Variants in MPPED2 observed in about 807,000 individuals in gnomAD.
MPPED2 encodes the protein metallophosphoesterase domain containing 2, also known as metallophosphoesterase MPPED2.
MPPED2 carries 5 observed loss-of-function variants against 33.0 expected under a neutral mutation model. The observed-to-expected ratio is 0.15, with a 90% confidence interval of 0.08 to 0.32. The LOEUF (loss-of-function observed/expected upper bound fraction) is 0.32, where lower values mean the gene tolerates loss of function less well. MPPED2 is among the 10% of genes least tolerant of loss of function. The pLI is 1.00. For missense variants in MPPED2, 275 were observed against 372.1 expected (o/e 0.74, Z 2.15); for synonymous variants, 136 against 141.9 (o/e 0.96, Z 0.29).
At chr11:30,565,045 C>A (rs1300162158) in intron 2 of MPPED2, among the ~76,000 whole-genome samples, 1 of 152,136 alleles carries the variant, frequency 6.6e-6, no homozygotes, top group Non-Finnish European at 1.5e-5. Context: ...AAATGTAGGA[C>A]TCAGCACCAA....
At chr11:30,560,908 A>G (rs1956213059) in intron 2 of MPPED2, among the ~76,000 whole-genome samples, 1 of 152,324 alleles carries the variant, frequency 6.6e-6, no homozygotes, top group Non-Finnish European at 1.5e-5. Flanking sequence ...ATCTCCACAG[A>G]AAGAAAAATG....
chr11:30,442,593 G>A (rs1385681294), intron 4 of MPPED2, among the ~76,000 whole-genome samples: 4 of 152,130 alleles, frequency 2.6e-5, no homozygotes, highest in Non-Finnish European at 5.9e-5. Flanking sequence ...TATAGCTATC[G>A]AACAGTGGCT....
chr11:30,455,436 T>C (rs1266341494), intron 4 of MPPED2, among the ~76,000 whole-genome samples: 1 of 152,242 alleles, frequency 6.6e-6, no homozygotes, highest in East Asian at 1.9e-4. Flanking sequence ...CTCTTTCTCT[T>C]TGTGCTTTAA....
At chr11:30,428,388 T>A (rs1948936606) in intron 4 of MPPED2, among the ~76,000 whole-genome samples, 1 of 152,088 alleles carries the variant, frequency 6.6e-6, no homozygotes. Flanking sequence ...AATAGGATTT[T>A]GGGGGCCAGG....
chr11:30,492,899 T>A (rs886137112), intron 4 of MPPED2, among the ~76,000 whole-genome samples: 1 of 152,176 alleles, frequency 6.6e-6, no homozygotes, highest in African/African-American at 2.4e-5. Flanking sequence ...GATTTTCTTA[T>A]CTGCCAAATG....
chr11:30,530,851 G>T (rs536107301), intron 3 of MPPED2, among the ~76,000 whole-genome samples: 5 of 152,318 alleles, frequency 3.3e-5, no homozygotes, highest in South Asian at 2.1e-4. Context: ...CAGGTGGAAG[G>T]AACACAGGGC....
intron 4 of MPPED2, among the ~76,000 whole-genome samples, chr11:30,439,848 A>G (rs561486104): frequency 6.6e-6 from 1 of 152,326 alleles, no homozygotes; most frequent in Admixed American, 6.5e-5. Flanking sequence ...CTACTTATTA[A>G]CTATATTGCC....
At position 30,410,846 on chromosome 11, in the gene MPPED2, C is replaced by A. The variant is rs1948075642; in HGVS notation, c.*622G>T. 1 of 985,710 alleles carries A rather than the reference C, an allele frequency of 1.0e-6. No homozygotes were observed. Among genetic ancestry groups the A allele is most frequent in the Non-Finnish European group, 1.2e-6 (1 of 829,886 alleles). The allele number at this position is 985,710 out of a possible 1,614,324, so 61.1% of individuals were successfully genotyped here. A position where few individuals can be genotyped will look rare whatever the true frequency, so the allele number is the denominator to read the frequency against. On this transcript the variant is annotated 3_prime_UTR_variant, in exon 7 of 7. Coordinates refer to ENST00000358117, the MANE Select transcript of MPPED2 (RefSeq NM_001584.3). ...TAAAAGAAACAAACAAACAATGAGA[C>A]CTTGTATAACCACAATAGGAATCTC...
intron 3 of MPPED2, among the ~76,000 whole-genome samples, chr11:30,514,393 T>C (rs937020922): frequency 2.8e-4 from 42 of 152,196 alleles, no homozygotes; most frequent in African/African-American, 9.9e-4. Flanking sequence ...GCAGCAGTCA[T>C]TCTCAAACCT....
chr11:30,468,256 ACTCTCTCTCTCTCT>A (rs3837402), intron 4 of MPPED2, among the ~76,000 whole-genome samples: 2 of 142,834 alleles, frequency 1.4e-5, no homozygotes, highest in Non-Finnish European at 3.0e-5. Context: ...ACACACACAC[ACTCTCTCTCTCTCT>A]CTCTCTCTCT....
chr11:30,510,888 G>A (rs1396450721), intron 3 of MPPED2, among the ~76,000 whole-genome samples: 2 of 152,160 alleles, frequency 1.3e-5, no homozygotes, highest in African/African-American at 4.8e-5. Context: ...CCCTTACTAG[G>A]AAAGTGTGGC....
Position 30,411,401 on chromosome 11 carries a change from A to G in MPPED2, c.*67T>C. 1.3e-6 allele frequency: 2 copies of G among 1,515,826 alleles called. No individual in the cohort carries two copies. Among genetic ancestry groups the G allele is most frequent in the South Asian group, 1.4e-5 (1 of 72,478 alleles). 93.9% of individuals were successfully genotyped at this position (1,515,826 alleles called of 1,614,324 possible). Reference sequence around the variant, plus strand: ...GGTTTGTAAATAAGTAAGAGAATGTAAGTTTATAATTAGAAAAATGGCAGT... The same window carrying G: ...GGTTTGTAAATAAGTAAGAGAATGTGAGTTTATAATTAGAAAAATGGCAGT... On this transcript the variant is annotated 3_prime_UTR_variant, in exon 7 of 7. Transcript: ENST00000358117.
chr11:30,442,716 T>C (rs1384046450), intron 4 of MPPED2, among the ~76,000 whole-genome samples: 6 of 152,108 alleles, frequency 3.9e-5, no homozygotes, highest in Non-Finnish European at 2.9e-5. Context: ...CAAAAAAAAG[T>C]TATCACCATT....
intron 4 of MPPED2, chr11:30,425,406 T>C (rs751502272): frequency 6.6e-6 from 1 of 152,234 alleles, no homozygotes; most frequent in East Asian, 1.9e-4. Context: ...TGGCGTGCTC[T>C]GAATTATTAA....
chr11:30,498,486 T>G (rs912843456), intron 3 of MPPED2, among the ~76,000 whole-genome samples: 2 of 151,008 alleles, frequency 1.3e-5, no homozygotes, highest in Non-Finnish European at 2.9e-5. Context: ...AGGTGCAGGT[T>G]GCTGTGAGCC....
At chr11:30,523,975 G>C (rs1270236619) in intron 3 of MPPED2, among the ~76,000 whole-genome samples, 1 of 152,172 alleles carries the variant, frequency 6.6e-6, no homozygotes, top group Non-Finnish European at 1.5e-5. Flanking sequence ...AAGGGGCTGG[G>C]CGCGGTGGCT....
chr11:30,568,905 T>A (rs1242523212), intron 2 of MPPED2, among the ~76,000 whole-genome samples: 1 of 152,074 alleles, frequency 6.6e-6, no homozygotes, highest in Non-Finnish European at 1.5e-5. Flanking sequence ...TAAAACCAGC[T>A]CCCAAAAGGG....
At chr11:30,493,631 A>G (rs961136218) in intron 4 of MPPED2, among the ~76,000 whole-genome samples, 2 of 151,400 alleles carry the variant, frequency 1.3e-5, no homozygotes, top group African/African-American at 4.9e-5. Flanking sequence ...GCTGATATTG[A>G]CAATCATTTA....
At chr11:30,458,145 G>A (rs1417844791) in intron 4 of MPPED2, among the ~76,000 whole-genome samples, 3 of 152,180 alleles carry the variant, frequency 2.0e-5, no homozygotes, top group African/African-American at 7.2e-5. Flanking sequence ...GAGAGATTAA[G>A]ATGAAATGAT....
Sources: gnomAD v4.1 joint callset for allele counts (sites outside exome capture counted in the v4.1 genomes callset) on GRCh38, gnomAD v4.1.1 for gene constraint, MANE v1.5 for transcripts, NCBI Gene and HGNC (gene_info 2026-07-23, HGNC 2026-07-21) for gene names.